CHRM2: variants seen among roughly 807,000 people sequenced by gnomAD.
The protein encoded by CHRM2 is cholinergic receptor muscarinic 2.
CHRM2 carries 8 observed loss-of-function variants against 25.0 expected under a neutral mutation model. That is an observed-to-expected ratio of 0.32 (90% CI 0.19 to 0.58). The LOEUF (loss-of-function observed/expected upper bound fraction) is 0.58. Ranked by LOEUF, CHRM2 falls within the 20% of genes least tolerant of loss-of-function variation. The pLI, the probability that CHRM2 is intolerant of heterozygous loss-of-function variation, is 0.88. For synonymous variants in CHRM2, 202 were observed against 205.7 expected (o/e 0.98, Z 0.15); for missense variants, 440 against 567.1 (o/e 0.78, Z 2.28).
intron 2 of CHRM2, among the ~76,000 whole-genome samples, chr7:136,892,313 AT>A (rs564209518): frequency 6.6e-6 from 1 of 152,184 alleles, no homozygotes; most frequent in South Asian, 2.1e-4. Flanking sequence ...AACAAAATTT[AT>A]TTTCTGTGAC....
intron 2 of CHRM2, among the ~76,000 whole-genome samples, chr7:136,919,742 G>C (rs1190063651): frequency 2.6e-5 from 4 of 151,872 alleles, no homozygotes; most frequent in Non-Finnish European, 5.9e-5. Context: ...CCATTTCTAG[G>C]GGCAATCACC....
In CHRM2 at chr7:137,019,288, G is replaced by C. The variant is rs1252581863; in HGVS notation, c.*3022G>C. ...CTTTTCTCCTGAGTCTGGTGTATGT[G>C]TCAGTCACAGATTGGGAACTCAGGC... On this transcript the variant is annotated 3_prime_UTR_variant, in exon 4 of 4. Transcript: ENST00000680005. 6.6e-6 allele frequency: 1 copy of C among 151,878 alleles called. No homozygotes were observed. 9.4% of individuals were successfully genotyped at this position (151,878 alleles called of 1,614,324 possible).
chr7:136,970,682 AAATAT>A lies in CHRM2; in HGVS notation c.-124-21500_-124-21496del, dbSNP rs1227001019. ...AGCAATTACTTTGTGCTAGCAGGTT[AAATAT>A]AATACTTCTGAAAAAAAAGTTTTTC... On this transcript the variant is annotated intron_variant, in intron 2 of 3. Transcript: ENST00000680005. Among the ~76,000 whole-genome samples the A allele has an allele frequency of 3.2e-5, 4 of 124,232 alleles. No homozygotes were observed. The South Asian group carries it at 8.8e-4, about 27-fold the overall frequency. The allele number at this position is 124,232 out of a possible 152,430, so 81.5% of individuals were successfully genotyped here. A position where few individuals can be genotyped will look rare whatever the true frequency, so the allele number is the denominator to read the frequency against.
At chr7:136,933,689 T>C (rs545816343) in intron 2 of CHRM2, among the ~76,000 whole-genome samples, 3 of 152,120 alleles carry the variant, frequency 2.0e-5, no homozygotes, top group East Asian at 3.9e-4. Flanking sequence ...AACTGATGAA[T>C]AGATAAACAA....
intron 2 of CHRM2, among the ~76,000 whole-genome samples, chr7:136,978,851 T>C (rs1802289679): frequency 6.6e-6 from 1 of 152,218 alleles, no homozygotes; most frequent in Admixed American, 6.5e-5. Context: ...AGTGTAGCAT[T>C]GATGGGCATT....
chr7:136,964,328 C>A (rs1172634640), intron 2 of CHRM2, among the ~76,000 whole-genome samples: 1 of 152,052 alleles, frequency 6.6e-6, no homozygotes, highest in Non-Finnish European at 1.5e-5. Flanking sequence ...TGTTCTCATG[C>A]AGATAACTTT....
At chr7:136,950,635 C>T (rs1167009295) in intron 2 of CHRM2, among the ~76,000 whole-genome samples, 1 of 152,112 alleles carries the variant, frequency 6.6e-6, no homozygotes, top group African/African-American at 2.4e-5. Context: ...AGTTGGATTT[C>T]AGTCCTCAAG....
At chr7:136,897,628 T>C (rs1223921607) in intron 2 of CHRM2, among the ~76,000 whole-genome samples, 1 of 151,814 alleles carries the variant, frequency 6.6e-6, no homozygotes, top group Admixed American at 6.6e-5. Context: ...TAACTCAGAG[T>C]ATAGTTAAAG....
intron 2 of CHRM2, among the ~76,000 whole-genome samples, chr7:136,977,851 A>T (rs1406159404): frequency 2.6e-5 from 4 of 152,166 alleles, no homozygotes; most frequent in Non-Finnish European, 4.4e-5. Context: ...GTTTTCTTCC[A>T]GAATTTGTAT....
At chr7:136,949,808 C>A (rs1430166609) in intron 2 of CHRM2, among the ~76,000 whole-genome samples, 1 of 151,192 alleles carries the variant, frequency 6.6e-6, no homozygotes, top group Non-Finnish European at 1.5e-5. Flanking sequence ...GGCGCGATCT[C>A]GGCTCACTGC....
chr7:136,889,880 G>C (rs987598987), intron 2 of CHRM2, among the ~76,000 whole-genome samples: 1 of 152,068 alleles, frequency 6.6e-6, no homozygotes, highest in African/African-American at 2.4e-5. Context: ...AGTTATTCCT[G>C]TTGGACTCAG....
At chr7:136,912,215 TTTACTTCTAAATATTGGG>T (rs1246974344) in intron 2 of CHRM2, among the ~76,000 whole-genome samples, 1 of 151,942 alleles carries the variant, frequency 6.6e-6, no homozygotes, top group African/African-American at 2.4e-5. Flanking sequence ...TGCTTAAATA[TTTACTTCTAAATATTGGG>T]TGCTGTCAAA....
At chr7:136,883,384 G>A (rs1310638073) in intron 2 of CHRM2, among the ~76,000 whole-genome samples, 1 of 152,132 alleles carries the variant, frequency 6.6e-6, no homozygotes, top group Non-Finnish European at 1.5e-5. Flanking sequence ...TCACCTTCAT[G>A]AATTTAAAGA....
intron 2 of CHRM2, among the ~76,000 whole-genome samples, chr7:136,980,394 T>C (rs1296099437): frequency 2.6e-5 from 4 of 152,092 alleles, no homozygotes; most frequent in Non-Finnish European, 2.9e-5. Flanking sequence ...TGCAAACAAA[T>C]ATAATTTGAC....
At chr7:137,008,779 T>C (rs941357902) in intron 3 of CHRM2, among the ~76,000 whole-genome samples, 1 of 152,086 alleles carries the variant, frequency 6.6e-6, no homozygotes, top group East Asian at 1.9e-4. Flanking sequence ...GTTCTCAAAT[T>C]TTTTTATACA....
Position 137,018,014 on chromosome 7 carries a change from A to G in CHRM2, c.*1748A>G, listed in dbSNP as rs1190536273. On this transcript the variant is annotated 3_prime_UTR_variant, in exon 4 of 4. Coordinates refer to ENST00000680005, the MANE Select transcript of CHRM2 (RefSeq NM_001006630.2). ...GCTCAATCAATGGAAATCAAATTATAAACGCATTTGCAAATTTCATATTTT... is the reference window on the plus strand; with the variant it reads ...GCTCAATCAATGGAAATCAAATTATGAACGCATTTGCAAATTTCATATTTT... The G allele has an allele frequency of 6.6e-6, 1 of 151,938 alleles. No homozygotes were observed. Among genetic ancestry groups the G allele is most frequent in the African/African-American group, 2.4e-5 (1 of 41,428 alleles). The allele number at this position is 151,938 out of a possible 1,614,324, so 9.4% of individuals were successfully genotyped here.
intron 2 of CHRM2, among the ~76,000 whole-genome samples, chr7:136,897,554 G>T (rs1223760593): frequency 1.3e-5 from 2 of 151,968 alleles, no homozygotes; most frequent in African/African-American, 4.8e-5. Flanking sequence ...ATTGAAAATA[G>T]TTTATCTTTT....
At chr7:136,896,552 C>G (rs1796909689) in intron 2 of CHRM2, among the ~76,000 whole-genome samples, 1 of 151,948 alleles carries the variant, frequency 6.6e-6, no homozygotes, top group Non-Finnish European at 1.5e-5. Context: ...TATAGTAATT[C>G]TACCTTGCAT....
At chr7:136,929,230 ACCT>A (rs966520243) in intron 2 of CHRM2, among the ~76,000 whole-genome samples, 1 of 149,130 alleles carries the variant, frequency 6.7e-6, no homozygotes, top group African/African-American at 2.5e-5. Context: ...AACTTTTGGA[ACCT>A]TCTCCTTGCC....
Sources: allele counts gnomAD v4.1 joint callset (sites outside exome capture counted in the v4.1 genomes callset), GRCh38; gene constraint gnomAD v4.1.1; transcripts MANE v1.5; gene names NCBI Gene and HGNC (gene_info 2026-07-23, HGNC 2026-07-21).